Variants in ABL2 observed in about 807,000 individuals in gnomAD.
ABL2 encodes tyrosine-protein kinase ABL2.
Under a neutral mutation model 107.7 loss-of-function variants are expected in ABL2, and 49 were observed. That is an observed-to-expected ratio of 0.45 (90% CI 0.36 to 0.58). The LOEUF (loss-of-function observed/expected upper bound fraction) is 0.58. Among genes scored for constraint, ABL2 ranks in the 20% least tolerant of loss-of-function variants. ABL2 has a pLI of 0.00. For synonymous variants in ABL2, 549 were observed against 548.6 expected, an observed-to-expected ratio of 1.00 and a Z score of -0.01; for missense variants, 1,245 against 1,457.0, an observed-to-expected ratio of 0.85 and a Z score of 2.37.
intron 1 of ABL2, among the ~76,000 whole-genome samples, chr1:179,196,107 T>C (rs1380739340): frequency 6.6e-6 from 1 of 152,176 alleles, no homozygotes; most frequent in Non-Finnish European, 1.5e-5. Context: ...TCCAAGTTCC[T>C]AGATGCCAGC....
In ABL2 at chr1:179,222,816, C is replaced by A. The variant is rs549462642; in HGVS notation, c.157+6425G>T. Among the ~76,000 whole-genome samples the A allele has an allele frequency of 8.9e-3, 1,303 of 146,432 alleles. 14 individuals are homozygous for A. The highest frequency in any genetic ancestry group is 0.028 in the African/African-American group (1,103 of 40,106). The stretch of plus-strand genomic sequence containing the variant: ...AATACCTTTAAAATAACAACAACAA[C>A]AAAAAAAAAACAGGCCGGGCACAGT... On this transcript the variant is annotated intron_variant, in intron 1 of 11. Transcript: ENST00000502732.
chr1:179,136,705 A>C (rs1453849080), intron 1 of ABL2, among the ~76,000 whole-genome samples: 2 of 90,156 alleles, frequency 2.2e-5, no homozygotes, highest in Non-Finnish European at 5.0e-5. Flanking sequence ...AGAATGATCA[A>C]TAAAAAATAA....
intron 3 of ABL2, among the ~76,000 whole-genome samples, chr1:179,128,940 C>A (rs1204817823): frequency 6.6e-6 from 1 of 152,020 alleles, no homozygotes; most frequent in Non-Finnish European, 1.5e-5. Context: ...CTGCCTCAAC[C>A]TCCCAAAGTG....
intron 1 of ABL2, among the ~76,000 whole-genome samples, chr1:179,205,543 A>G (rs1020128057): frequency 2.0e-5 from 3 of 152,268 alleles, no homozygotes; most frequent in Middle Eastern, 3.4e-3. Flanking sequence ...AGCTTTCTAG[A>G]ACGATGGTTG....
chr1:179,178,503 G>A (rs561930685), intron 1 of ABL2, among the ~76,000 whole-genome samples: 111 of 151,210 alleles, frequency 7.3e-4, no homozygotes, highest in Non-Finnish European at 1.3e-3. Flanking sequence ...TAGTTTCCTC[G>A]TCCACTGTTT....
chr1:179,139,687 GTGGCC>G (rs1281425794), intron 1 of ABL2, among the ~76,000 whole-genome samples: 1 of 152,178 alleles, frequency 6.6e-6, no homozygotes, highest in Non-Finnish European at 1.5e-5. Context: ...AGACAGGTCT[GTGGCC>G]TGTTAGGAAC....
At chr1:179,218,721 G>A (rs1469062986) in intron 1 of ABL2, among the ~76,000 whole-genome samples, 1 of 152,078 alleles carries the variant, frequency 6.6e-6, no homozygotes, top group Non-Finnish European at 1.5e-5. Flanking sequence ...AATCTCACAT[G>A]AGCAGGAGAT....
chr1:179,184,631 A>G, intron 1 of ABL2: 1 of 514,814 alleles, frequency 1.9e-6, no homozygotes, highest in South Asian at 2.1e-5. Context: ...GAAGGGGATG[A>G]GGAAGAAGAT....
Position 179,102,369 on chromosome 1 carries a change from T to A in ABL2, c.*5349A>T, listed in dbSNP as rs1653170480. The A allele has an allele frequency of 4.8e-6, 1 of 208,804 alleles. No individual in the cohort carries two copies. Among genetic ancestry groups the A allele is most frequent in the South Asian group, 1.9e-4 (1 of 5,300 alleles). The allele number at this position is 208,804 out of a possible 1,614,324, so 12.9% of individuals were successfully genotyped here. A position where few individuals can be genotyped will look rare whatever the true frequency, so the allele number is the denominator to read the frequency against. On this transcript the variant is annotated 3_prime_UTR_variant, in exon 12 of 12. Coordinates refer to ENST00000502732, the MANE Select transcript of ABL2 (RefSeq NM_007314.4). Reference sequence around the variant, plus strand: ...GAACTCTATCCAAATGATATAGATATCTTGACTGTTAAGAGTTGGAGACGT... The same window carrying A: ...GAACTCTATCCAAATGATATAGATAACTTGACTGTTAAGAGTTGGAGACGT...
intron 1 of ABL2, among the ~76,000 whole-genome samples, chr1:179,143,683 CTTAT>C (rs779963868): frequency 6.6e-6 from 1 of 152,170 alleles, no homozygotes; most frequent in East Asian, 1.9e-4. Flanking sequence ...AGTTTATTTA[CTTAT>C]TTATTTTTAT....
chr1:179,229,335 C>G lies in ABL2; in HGVS notation c.63G>C (p.Gly21=), dbSNP rs1393921307. Residue 21 remains glycine, a synonymous_variant, in exon 1 of 12, where the codon GGG becomes GGC. Transcript: ENST00000502732. ...APGLQQPQPR[G]IRGSSAARPS... is the part of the protein sequence containing the mutation. ...GCCTGGCTGCACTGCTGCCCCGGAT[C>G]CCGCGGGGCTGAGGCTGCTGGAGCC... is the stretch of plus-strand genomic sequence containing the variant. The G allele has an allele frequency of 6.3e-7, 1 of 1,585,056 alleles. No individual in the cohort carries two copies. Among genetic ancestry groups the G allele is most frequent in the East Asian group, 2.4e-5 (1 of 42,490 alleles).
chr1:179,135,701 G>A (rs1458243432), intron 1 of ABL2, among the ~76,000 whole-genome samples: 9 of 141,362 alleles, frequency 6.4e-5, no homozygotes, highest in South Asian at 2.3e-4. Flanking sequence ...GGTGAGGGGT[G>A]CCTCTGCCCG....
chr1:179,099,925 C>T lies in ABL2; in HGVS notation c.*7793G>A. On this transcript the variant is annotated 3_prime_UTR_variant, in exon 12 of 12. Transcript: ENST00000502732. ...TAAGTCAGCCTGTTCACAGTCAACA[C>T]ACCAACCACGCCACTGCTGTTCATC... 1 of 232,736 alleles carries T rather than the reference C, an allele frequency of 4.3e-6. No homozygotes were observed. The allele number at this position is 232,736 out of a possible 1,614,324, so 14.4% of individuals were successfully genotyped here.
At chr1:179,202,551 T>C (rs1571310184) in intron 1 of ABL2, among the ~76,000 whole-genome samples, 1 of 152,346 alleles carries the variant, frequency 6.6e-6, no homozygotes. Flanking sequence ...TGTATACAAA[T>C]GTGTACTTCC....
intron 1 of ABL2, among the ~76,000 whole-genome samples, chr1:179,150,482 A>C (rs1571204429): frequency 6.6e-6 from 1 of 152,242 alleles, no homozygotes; most frequent in African/African-American, 2.4e-5. Context: ...GATGTGGTGG[A>C]AACAGCAAGA....
chr1:179,135,659 GC>G (rs1294626189), intron 1 of ABL2, among the ~76,000 whole-genome samples: 1 of 148,552 alleles, frequency 6.7e-6, no homozygotes, highest in Non-Finnish European at 1.5e-5. Context: ...GAGGGGGTCA[GC>G]CCCCCGCCTG....
At chr1:179,128,568 T>C (rs377618760) in intron 3 of ABL2, among the ~76,000 whole-genome samples, 1 of 152,214 alleles carries the variant, frequency 6.6e-6, no homozygotes, top group South Asian at 2.1e-4. Context: ...TGTTCTTTTT[T>C]TGTCAGTTAT....
At position 179,229,631 on chromosome 1, in the gene ABL2, A is replaced by ACCGCCGCCGCCG; in HGVS notation, c.-235_-234insCGGCGGCGGCGG. 1 of 394,254 alleles carries ACCGCCGCCGCCG rather than the reference A, an allele frequency of 2.5e-6. No homozygotes were observed. Among genetic ancestry groups the ACCGCCGCCGCCG allele is most frequent in the Non-Finnish European group, 4.3e-6 (1 of 231,628 alleles). 24.4% of individuals were successfully genotyped at this position (394,254 alleles called of 1,614,324 possible). A position where few individuals can be genotyped will look rare whatever the true frequency, so the allele number is the denominator to read the frequency against. ...CCTCCTGTCGCGGCTCCGCGCCCCC[A>ACCGCCGCCGCCG]ACGCCGCCGCCGCCGCCGCCGCCAC... is the stretch of plus-strand genomic sequence containing the variant. On this transcript the variant is annotated 5_prime_UTR_variant, in exon 1 of 12. Coordinates refer to ENST00000502732, the MANE Select transcript of ABL2 (RefSeq NM_007314.4).
intron 1 of ABL2, among the ~76,000 whole-genome samples, chr1:179,164,042 A>C (rs956118045): frequency 6.6e-6 from 1 of 152,176 alleles, no homozygotes; most frequent in Non-Finnish European, 1.5e-5. Flanking sequence ...CCAGGGATTA[A>C]AGGGGGGGAA....
Sources: gnomAD v4.1 joint callset for allele counts (sites outside exome capture counted in the v4.1 genomes callset) on GRCh38, gnomAD v4.1.1 for gene constraint, MANE v1.5 for transcripts, NCBI Gene and HGNC (gene_info 2026-07-23, HGNC 2026-07-21) for gene names.